CNTLN: variants seen among roughly 807,000 people sequenced by gnomAD.
The protein encoded by CNTLN is centlein, centrosomal protein.
In CNTLN, 212 loss-of-function variants were observed where a neutral mutation model predicts 180.0. The ratio of observed to expected loss-of-function variants is 1.18; its 90% CI spans 1.05 to 1.32. CNTLN has a LOEUF of 1.32. CNTLN is among the 40% of genes most tolerant of loss of function. The pLI, the probability that CNTLN is intolerant of heterozygous loss-of-function variation, is 0.00. For missense variants in CNTLN, 2,095 were observed against 1,610.9 expected, an observed-to-expected ratio of 1.30 and a Z score of -5.14; for synonymous variants, 722 against 563.1, an observed-to-expected ratio of 1.28 and a Z score of -3.99.
intron 16 of CNTLN, among the ~76,000 whole-genome samples, chr9:17,409,770 G>A (rs1303110566): frequency 6.6e-6 from 1 of 151,950 alleles, no homozygotes; most frequent in Non-Finnish European, 1.5e-5. Flanking sequence ...TCCAAATGAT[G>A]AAACTTCTTT....
intron 12 of CNTLN, among the ~76,000 whole-genome samples, chr9:17,362,022 G>T (rs188297939): frequency 6.6e-6 from 1 of 152,146 alleles, no homozygotes; most frequent in Non-Finnish European, 1.5e-5. Context: ...AGTAAGATAT[G>T]GTTTGTTGGT....
chr9:17,167,165 C>A (rs940884704), intron 2 of CNTLN: 2 of 192,004 alleles, frequency 1.0e-5, no homozygotes, highest in African/African-American at 4.8e-5. Flanking sequence ...GGTAAAAGAG[C>A]TTTATTAACA....
At chr9:17,225,633 G>C (rs1824417526) in intron 2 of CNTLN, among the ~76,000 whole-genome samples, 1 of 151,810 alleles carries the variant, frequency 6.6e-6, no homozygotes, top group African/African-American at 2.4e-5. Flanking sequence ...TTGTTTAAAA[G>C]CTATATTTGT....
chr9:17,284,157 G>A (rs1234755081), intron 6 of CNTLN, among the ~76,000 whole-genome samples: 1 of 152,138 alleles, frequency 6.6e-6, no homozygotes, highest in Non-Finnish European at 1.5e-5. Context: ...GAGTAGCTGG[G>A]ATTACAGGCG....
intron 18 of CNTLN, among the ~76,000 whole-genome samples, chr9:17,427,020 A>G (rs1489550104): frequency 6.6e-6 from 1 of 152,164 alleles, no homozygotes; most frequent in African/African-American, 2.4e-5. Flanking sequence ...AATCAGAGAC[A>G]TATTTCTTTA....
intron 16 of CNTLN, among the ~76,000 whole-genome samples, chr9:17,411,891 G>A (rs1477572841): frequency 1.3e-5 from 2 of 152,158 alleles, no homozygotes; most frequent in Admixed American, 1.3e-4. Context: ...TGTCATTGGA[G>A]ATCACATAGG....
intron 5 of CNTLN, among the ~76,000 whole-genome samples, chr9:17,242,039 T>C (rs1412991991): frequency 1.3e-5 from 2 of 152,220 alleles, no homozygotes; most frequent in African/African-American, 4.8e-5. Context: ...ATGTCCTTTC[T>C]TTCTCTTGTC....
chr9:17,491,991 A>G (rs916335434), intron 25 of CNTLN, among the ~76,000 whole-genome samples: 2 of 152,086 alleles, frequency 1.3e-5, no homozygotes, highest in Admixed American at 6.6e-5. Flanking sequence ...TGCACTTATA[A>G]CAAATGCATT....
chr9:17,189,243 C>T (rs1362760052), intron 2 of CNTLN, among the ~76,000 whole-genome samples: 3 of 150,400 alleles, frequency 2.0e-5, no homozygotes, highest in African/African-American at 4.9e-5. Context: ...CCACTACGCC[C>T]GGCTAATTTT....
intron 2 of CNTLN, among the ~76,000 whole-genome samples, chr9:17,210,025 TAACTC>T (rs1216221990): frequency 5.9e-5 from 9 of 152,206 alleles, no homozygotes; most frequent in East Asian, 1.9e-4. Flanking sequence ...GCTTAATACT[TAACTC>T]TAACATTTGG....
At chr9:17,236,043 T>C (rs912911715) in intron 4 of CNTLN, among the ~76,000 whole-genome samples, 2 of 152,194 alleles carry the variant, frequency 1.3e-5, no homozygotes, top group East Asian at 1.9e-4. Context: ...TGTGAATATG[T>C]GGCTTCTTGT....
At chr9:17,224,524 T>A (rs1057218843) in intron 2 of CNTLN, among the ~76,000 whole-genome samples, 10 of 152,078 alleles carry the variant, frequency 6.6e-5, no homozygotes, top group Non-Finnish European at 1.5e-4. Context: ...GAAACTTGTC[T>A]CAACTGTGTT....
intron 5 of CNTLN, among the ~76,000 whole-genome samples, chr9:17,240,654 A>C (rs1825428395): frequency 6.6e-6 from 1 of 151,988 alleles, no homozygotes; most frequent in Non-Finnish European, 1.5e-5. Flanking sequence ...TATTCTGGTT[A>C]TTAGTCCTTT....
In CNTLN at chr9:17,340,793, AACTTATATAT is replaced by A. The variant is rs745441607; in HGVS notation, c.1645-29_1645-20del. 5.7e-6 allele frequency: 9 copies of A among 1,565,416 alleles called. No homozygotes were observed. The Admixed American group carries it at 1.8e-4, about 31-fold the overall frequency. ...AAACATTATATTAATACTTTCTTCAAACTTATATATACTTGCTTTTTTGTGTTCTACAGAG... is the reference window on the plus strand; with the variant it reads ...AAACATTATATTAATACTTTCTTCAAACTTGCTTTTTTGTGTTCTACAGAG... On this transcript the variant is annotated intron_variant, in intron 10 of 25. Coordinates refer to ENST00000380647, the MANE Select transcript of CNTLN (RefSeq NM_017738.4).
intron 1 of CNTLN, 143 bp from the exon 2 acceptor site, chr9:17,143,145 C>A: frequency 5.5e-6 from 3 of 540,874 alleles, no homozygotes; most frequent in Admixed American, 3.3e-5. Flanking sequence ...AAAGTTTTAC[C>A]CCATTCCTTT....
At position 17,446,989 on chromosome 9, in the gene CNTLN, CCT is replaced by C. The variant is rs1830473380; in HGVS notation, c.3115-10532_3115-10531del. 2.6e-5 allele frequency among the ~76,000 whole-genome samples: 4 copies of C among 152,230 alleles called. No individual in the cohort carries two copies. The South Asian group carries it at 8.3e-4, about 32-fold the overall frequency. On this transcript the variant is annotated intron_variant, in intron 18 of 25. Transcript: ENST00000380647. Reference sequence around the variant, plus strand: ...TATAATTGTACTTTAAAAGTTATGGCCTCTTTTCATGTGTATGTCTTTAAAAT... The same window carrying C: ...TATAATTGTACTTTAAAAGTTATGGCCTTTTCATGTGTATGTCTTTAAAAT...
chr9:17,401,663 G>A (rs1423140738), intron 15 of CNTLN, among the ~76,000 whole-genome samples: 1 of 151,776 alleles, frequency 6.6e-6, no homozygotes, highest in Non-Finnish European at 1.5e-5. Flanking sequence ...GCAAGCCATT[G>A]TGCTTGGCCT....
chr9:17,318,964 C>A (rs1307841257), intron 8 of CNTLN, among the ~76,000 whole-genome samples: 1 of 152,004 alleles, frequency 6.6e-6, no homozygotes, highest in African/African-American at 2.4e-5. Context: ...TGAACAACAC[C>A]ATTTATGTTT....
intron 13 of CNTLN, among the ~76,000 whole-genome samples, chr9:17,380,361 C>T (rs1422064802): frequency 6.6e-6 from 1 of 152,186 alleles, no homozygotes; most frequent in Admixed American, 6.5e-5. Context: ...TCTCGAGAAA[C>T]ACCTAAGCAA....
Sources: gnomAD v4.1 joint callset for allele counts (sites outside exome capture counted in the v4.1 genomes callset) on GRCh38, gnomAD v4.1.1 for gene constraint, MANE v1.5 for transcripts, NCBI Gene and HGNC (gene_info 2026-07-23, HGNC 2026-07-21) for gene names.